Variants in ADAMTSL2 observed in about 807,000 individuals in gnomAD.
ADAMTSL2 encodes ADAMTS like 2.
ADAMTSL2 carries 55 observed loss-of-function variants against 117.0 expected under a neutral mutation model. The observed-to-expected ratio is 0.47, with a 90% CI of 0.38 to 0.59. The LOEUF is 0.59. Ranked by LOEUF, ADAMTSL2 falls within the 20% of genes least tolerant of loss-of-function variation. The probability of loss-of-function intolerance (pLI) is 0.00; values close to 1 mark genes in which losing one functional copy is unlikely to be tolerated. For missense variants in ADAMTSL2, 1,182 were observed against 1,354.5 expected, an observed-to-expected ratio of 0.87 and a Z score of 2.00; for synonymous variants, 572 against 566.4, an observed-to-expected ratio of 1.01 and a Z score of -0.14.
chr9:133,569,061 G>A (rs1198239024), intron 15 of ADAMTSL2, among the ~76,000 whole-genome samples: 1 of 151,616 alleles, frequency 6.6e-6, no homozygotes, highest in East Asian at 1.9e-4. Flanking sequence ...GTTTGTCTCC[G>A]AGTCTCTCTG....
Position 133,555,731 on chromosome 9 carries a change from C to G in ADAMTSL2, c.1450C>G (p.Gln484Glu), listed in dbSNP as rs1830591160. 6.2e-7 allele frequency: 1 copy of G among 1,614,028 alleles called. No homozygotes were observed. The highest frequency in any genetic ancestry group is 1.3e-5 in the African/African-American group (1 of 75,080). Residue 484 changes from glutamine (Q) to glutamate (E), a missense_variant, in exon 11 of 19, where the codon CAG becomes GAG. This residue lies in a region of ADAMTSL2 where 345 missense variants were observed against 325.8 expected (regional missense o/e 1.06). Transcript: ENST00000651351. ...TGAGACTGTGAACAGCATCTTTGCA[C>G]AGGGCGCCCCAAGGAGCTCCCTGGC... ...LNETVNSIFAQGAPRSSLAES... is the reference protein window; with the variant it reads ...LNETVNSIFAEGAPRSSLAES...
At chr9:133,564,219 G>T (rs867506750) in intron 12 of ADAMTSL2, among the ~76,000 whole-genome samples, 2 of 10,494 alleles carry the variant, frequency 1.9e-4, no homozygotes, top group Non-Finnish European at 2.0e-4. Flanking sequence ...AGAGGGAGAG[G>T]GAGAGAGAGG....
At chr9:133,540,574 T>C (rs760439513) in intron 5 of ADAMTSL2, 24 bp from the exon 6 acceptor site, 2 of 1,612,602 alleles carry the variant, frequency 1.2e-6, no homozygotes, top group East Asian at 2.2e-5. Context: ...GCTGAAACCT[T>C]CTGTCTTTGT....
chr9:133,566,696 G>A (rs986210108), intron 12 of ADAMTSL2, among the ~76,000 whole-genome samples: 39 of 149,446 alleles, frequency 2.6e-4, no homozygotes, highest in African/African-American at 8.8e-4. Flanking sequence ...CCGTGACATG[G>A]GAACTGGGAG....
In ADAMTSL2 at chr9:133,536,853, GC is replaced by G. The variant is rs747347111; in HGVS notation, c.90+52del. The G allele has an allele frequency of 3.7e-6, 6 of 1,612,894 alleles. No homozygotes were observed. The South Asian group carries it at 6.6e-5, about 18-fold the overall frequency. The stretch of plus-strand genomic sequence containing the variant: ...GCCCATGCCAGTCCCCTACCCAGGT[GC>G]TGTGATCACTCTCAGATGGACTGGC... On this transcript the variant is annotated intron_variant, in intron 2 of 18. Coordinates refer to ENST00000651351, the MANE Select transcript of ADAMTSL2 (RefSeq NM_014694.4).
At chr9:133,538,218 G>GTA (rs1358335607) in intron 3 of ADAMTSL2, 131 bp from the exon 4 acceptor site, 1 of 1,032,986 alleles carries the variant, frequency 9.7e-7, no homozygotes, top group East Asian at 2.4e-5. Context: ...TGGGAGTTGA[G>GTA]TAGGGAGGAA....
chr9:133,539,880 G>A lies in ADAMTSL2; in HGVS notation c.412+7G>A, dbSNP rs1198562770. On this transcript the variant is annotated splice_region_variant and intron_variant, in intron 5 of 18. Transcript: ENST00000651351. Reference sequence around the variant, plus strand: ...TGGAAGCCTCTGTACCCGGGTACCTGCCGCCCTGGGGACCCACCTTGCAGG... The same window carrying A: ...TGGAAGCCTCTGTACCCGGGTACCTACCGCCCTGGGGACCCACCTTGCAGG... 4 of 1,550,660 alleles carry A rather than the reference G, an allele frequency of 2.6e-6. No homozygotes were observed. Among genetic ancestry groups the A allele is most frequent in the Admixed American group, 2.0e-5 (1 of 51,010 alleles).
At chr9:133,569,369 C>T in intron 15 of ADAMTSL2, 39 bp from the exon 16 acceptor site, 3 of 1,607,400 alleles carry the variant, frequency 1.9e-6, no homozygotes, top group South Asian at 2.2e-5. Context: ...GTGTGGCTGC[C>T]TCTCACTGGA....
intron 12 of ADAMTSL2, among the ~76,000 whole-genome samples, chr9:133,562,112 C>T (rs1830743054): frequency 6.6e-6 from 1 of 152,362 alleles, no homozygotes; most frequent in Middle Eastern, 3.4e-3. Flanking sequence ...CCTGGTCCCG[C>T]CCCAGTGCCA....
chr9:133,570,338 C>G lies in ADAMTSL2; in HGVS notation c.2423C>G (p.Thr808Ser). ...CCTCTGCCCCGGCCTCAGTGCAACA[C>G]CACCTGCGGGCGCGGGGTCAAGAAG... is the stretch of plus-strand genomic sequence containing the variant. Reference protein sequence around the residue: ...WLAQDWERCNTTCGRGVKKRL... With the variant: ...WLAQDWERCNSTCGRGVKKRL... Residue 808 changes from threonine to serine, a missense_variant, in exon 17 of 19, where the codon ACC becomes AGC. Around this residue, in one of 3 missense-constraint regions of ADAMTSL2, gnomAD observed 465 missense variants for 565.3 expected, o/e 0.82. Transcript: ENST00000651351. 6.5e-7 allele frequency: 1 copy of G among 1,545,322 alleles called. No homozygotes were observed.
At chr9:133,559,618 C>T (rs1372578665) in intron 11 of ADAMTSL2, among the ~76,000 whole-genome samples, 1 of 151,414 alleles carries the variant, frequency 6.6e-6, no homozygotes, top group Non-Finnish European at 1.5e-5. Context: ...TCCCAAAGTG[C>T]TGGGATTACA....
intron 11 of ADAMTSL2, among the ~76,000 whole-genome samples, chr9:133,560,668 C>G (rs1047103583): frequency 5.9e-5 from 9 of 152,236 alleles, no homozygotes; most frequent in African/African-American, 2.2e-4. Flanking sequence ...CGGCCCCTGC[C>G]AGCAGCCGAG....
At position 133,569,405 on chromosome 9, in the gene ADAMTSL2, C is replaced by T; in HGVS notation, c.2245-3C>T. ...TGTCCCCTGCCTGTCCTCTCCCCTG[C>T]AGTGCAGTGGAAGCTGCGGGCAAGG... On this transcript the variant is annotated splice_region_variant and splice_polypyrimidine_tract_variant and intron_variant, in intron 15 of 18. Transcript: ENST00000651351. The T allele has an allele frequency of 6.2e-7, 1 of 1,613,300 alleles. No individual in the cohort carries two copies. Among genetic ancestry groups the T allele is most frequent in the Non-Finnish European group, 8.5e-7 (1 of 1,179,958 alleles).
Position 133,536,624 on chromosome 9 carries a change from G to A in ADAMTSL2, c.-89G>A, listed in dbSNP as rs1830058751. The A allele has an allele frequency of 6.2e-7, 1 of 1,613,440 alleles. No individual in the cohort carries two copies. Among genetic ancestry groups the A allele is most frequent in the African/African-American group, 1.3e-5 (1 of 74,928 alleles). The stretch of plus-strand genomic sequence containing the variant: ...AACCTTGAGGCCTGGGCACTGGCTG[G>A]GCCCCGAGGGCTCTTCCCAAAGCGT... On this transcript the variant is annotated 5_prime_UTR_variant, in exon 2 of 19. Transcript: ENST00000651351.
rs750430155 is a variant in ADAMTSL2 at position 133,541,013 on chromosome 9, C to A, written c.682+12C>A. ...GAATGCCCACCTTGGTAAGCCACAG[C>A]GCGCCCTGGAGTCCAAGCACAGCAG... On this transcript the variant is annotated intron_variant, in intron 7 of 18. Coordinates refer to ENST00000651351, the MANE Select transcript of ADAMTSL2 (RefSeq NM_014694.4). 1 of 1,611,346 alleles carries A rather than the reference C, an allele frequency of 6.2e-7. No homozygotes were observed. Among genetic ancestry groups the A allele is most frequent in the Non-Finnish European group, 8.5e-7 (1 of 1,179,310 alleles).
intron 2 of ADAMTSL2, 24 bp downstream of exon 2, chr9:133,536,826 G>A: frequency 1.9e-6 from 3 of 1,613,978 alleles, no homozygotes; most frequent in Non-Finnish European, 2.5e-6. Context: ...TGTGGTCTGA[G>A]GGCCCATGCC....
chr9:133,545,078 G>A (rs1830316861), intron 8 of ADAMTSL2, among the ~76,000 whole-genome samples: 1 of 152,194 alleles, frequency 6.6e-6, no homozygotes, highest in Admixed American at 6.5e-5. Flanking sequence ...TTCCATGATG[G>A]ACAGAGTGGT....
At chr9:133,536,270 A>G (rs1326219437) in intron 1 of ADAMTSL2, among the ~76,000 whole-genome samples, 1 of 152,242 alleles carries the variant, frequency 6.6e-6, no homozygotes, top group Non-Finnish European at 1.5e-5. Context: ...TGCTCCTGCC[A>G]AGGCGCTGGA....
chr9:133,570,337 A>G lies in ADAMTSL2; in HGVS notation c.2422A>G (p.Thr808Ala). The change falls in exon 17 of 19, where the codon ACC becomes GCC. Residue 808 changes from threonine (T) to alanine (A), a missense_variant. Thr to Ala is a moderately conservative substitution (Grantham distance 58, BLOSUM62 0). Around this residue, in one of 3 missense-constraint regions of ADAMTSL2, gnomAD observed 465 missense variants for 565.3 expected, o/e 0.82. Transcript: ENST00000651351. ...WLAQDWERCN[T>A]TCGRGVKKRL... ...CCCTCTGCCCCGGCCTCAGTGCAAC[A>G]CCACCTGCGGGCGCGGGGTCAAGAA... 2 of 1,545,152 alleles carry G rather than the reference A, an allele frequency of 1.3e-6. No individual in the cohort carries two copies. Among genetic ancestry groups the G allele is most frequent in the South Asian group, 1.2e-5 (1 of 84,040 alleles).
Sources: allele counts gnomAD v4.1 joint callset (sites outside exome capture counted in the v4.1 genomes callset), GRCh38; gene constraint gnomAD v4.1.1; regional missense constraint gnomAD v4.1.1; transcripts MANE v1.5; gene names NCBI Gene and HGNC (gene_info 2026-07-23, HGNC 2026-07-21).